The following EIF4G3 variants were observed in gnomAD, a reference collection of about 807,000 sequenced individuals.
EIF4G3 encodes eIF-4-gamma 3.
Under a neutral mutation model 186.4 loss-of-function variants are expected in EIF4G3, and 34 were observed. The ratio of observed to expected loss-of-function variants is 0.18; its 90% CI spans 0.14 to 0.24. EIF4G3 has a LOEUF of 0.24. Ranked by LOEUF, EIF4G3 falls within the 10% of genes least tolerant of loss-of-function variation. EIF4G3 has a pLI of 1.00. For synonymous variants in EIF4G3, 673 were observed against 679.5 expected, an observed-to-expected ratio of 0.99 and a Z score of 0.15; for missense variants, 1,536 against 1,948.5, an observed-to-expected ratio of 0.79 and a Z score of 3.99.
chr1:21,160,850 AGAGTAGGAC>A (rs2097755431), intron 2 of EIF4G3, among the ~76,000 whole-genome samples: 5 of 152,222 alleles, frequency 3.3e-5, no homozygotes, highest in Admixed American at 3.3e-4. Flanking sequence ...GTACGAGGGC[AGAGTAGGAC>A]GTGTAGTGCT....
chr1:20,952,804 C>T (rs756496297), intron 12 of EIF4G3, among the ~76,000 whole-genome samples: 2 of 152,020 alleles, frequency 1.3e-5, no homozygotes, highest in South Asian at 2.1e-4. Flanking sequence ...GAGCCGAGGT[C>T]GCGCCACTGC....
chr1:20,928,935 T>C (rs2095127566), intron 14 of EIF4G3, among the ~76,000 whole-genome samples: 1 of 152,196 alleles, frequency 6.6e-6, no homozygotes, highest in Non-Finnish European at 1.5e-5. Flanking sequence ...TATTTTCTGC[T>C]TCTATGGATT....
intron 14 of EIF4G3, among the ~76,000 whole-genome samples, chr1:20,907,965 CCA>C (rs1346858988): frequency 6.6e-6 from 1 of 151,782 alleles, no homozygotes; most frequent in Non-Finnish European, 1.5e-5. Flanking sequence ...TGAGGAATCG[CCA>C]CACTGACTTC....
chr1:20,860,416 C>A lies in EIF4G3; in HGVS notation c.3213G>T (p.Gln1071His). The A allele has an allele frequency of 1.2e-6, 2 of 1,614,118 alleles. No individual in the cohort carries two copies. Among genetic ancestry groups the A allele is most frequent in the East Asian group, 4.5e-5 (2 of 44,860 alleles). Residue 1071 changes from glutamine (Q) to histidine (H), a missense_variant, in exon 24 of 37, where the codon CAG (glutamine) becomes CAT (histidine). By Grantham distance (24) the Gln-to-His change is conservative. Coordinates refer to ENST00000602326, the MANE Select transcript of EIF4G3 (RefSeq NM_001391906.1). ...TTCTCTTCTCTTTGGTCATGAGTTG[C>A]TGGACCTTCCTTTGCTCTTCTTGTT... ...IEEQEEQRKVQQLMTKEKRRP... is the reference protein window; with the variant it reads ...IEEQEEQRKVHQLMTKEKRRP...
chr1:21,076,400 A>C (rs2095588992), intron 3 of EIF4G3, among the ~76,000 whole-genome samples: 1 of 152,180 alleles, frequency 6.6e-6, no homozygotes, highest in Non-Finnish European at 1.5e-5. Context: ...AAAAGCAGAA[A>C]GAAAAGCAAA....
At chr1:20,896,263 T>C (rs776813463) in intron 16 of EIF4G3, among the ~76,000 whole-genome samples, 2 of 151,424 alleles carry the variant, frequency 1.3e-5, no homozygotes, top group Non-Finnish European at 2.9e-5. Context: ...TAAGACCTAA[T>C]CTCTAGAAAA....
At chr1:20,944,037 T>C (rs2095838586) in intron 13 of EIF4G3, among the ~76,000 whole-genome samples, 1 of 148,366 alleles carries the variant, frequency 6.7e-6, no homozygotes, top group Non-Finnish European at 1.5e-5. Flanking sequence ...TGTGTGTGTG[T>C]GTGTATGTTC....
chr1:20,987,995 T>C (rs2079972811), intron 7 of EIF4G3, among the ~76,000 whole-genome samples: 1 of 152,230 alleles, frequency 6.6e-6, no homozygotes, highest in South Asian at 2.1e-4. Context: ...ACAGCCTTAT[T>C]GCTGATATGG....
chr1:21,109,061 T>C (rs1311243362), intron 2 of EIF4G3, among the ~76,000 whole-genome samples: 1 of 151,922 alleles, frequency 6.6e-6, no homozygotes, highest in Non-Finnish European at 1.5e-5. Flanking sequence ...CTACTAAAAA[T>C]ACAAAAATTA....
chr1:21,064,056 T>A (rs1402730413), intron 3 of EIF4G3, among the ~76,000 whole-genome samples: 1 of 152,114 alleles, frequency 6.6e-6, no homozygotes, highest in East Asian at 1.9e-4. Context: ...TGTGTTTCCA[T>A]TTTTCTAGCA....
chr1:20,864,959 G>A (rs2077232265), intron 21 of EIF4G3, among the ~76,000 whole-genome samples, 157 bp downstream of exon 21: 1 of 152,040 alleles, frequency 6.6e-6, no homozygotes, highest in Non-Finnish European at 1.5e-5. Context: ...AAGGAACAAA[G>A]CATTCCCCTA....
At chr1:20,858,797 C>G (rs1223262474) in intron 24 of EIF4G3, among the ~76,000 whole-genome samples, 1 of 152,060 alleles carries the variant, frequency 6.6e-6, no homozygotes, top group East Asian at 1.9e-4. Flanking sequence ...GAGTTCAACA[C>G]CAGCCTGGCC....
At chr1:21,094,805 A>ATAATAATAG (rs55725003) in intron 2 of EIF4G3, among the ~76,000 whole-genome samples, 1 of 148,554 alleles carries the variant, frequency 6.7e-6, no homozygotes, top group Non-Finnish European at 1.5e-5. Flanking sequence ...AATAATAATA[A>ATAATAATAG]AAGCCAGGAT....
At chr1:21,123,317 C>CT (rs2096960182) in intron 2 of EIF4G3, among the ~76,000 whole-genome samples, 1 of 152,000 alleles carries the variant, frequency 6.6e-6, no homozygotes, top group South Asian at 2.1e-4. Flanking sequence ...AATCCAAGCA[C>CT]TGTGGGAGGC....
At chr1:21,111,273 C>T (rs1307111216) in intron 2 of EIF4G3, 1 of 470,436 alleles carries the variant, frequency 2.1e-6, no homozygotes, top group African/African-American at 2.0e-5. Context: ...GACTTTGAAG[C>T]TGGAAAAGAC....
intron 4 of EIF4G3, among the ~76,000 whole-genome samples, chr1:21,028,956 C>T (rs952061719): frequency 2.0e-5 from 3 of 152,162 alleles, no homozygotes; most frequent in East Asian, 1.9e-4. Flanking sequence ...CACAGCTCAT[C>T]GTAACCTCTC....
intron 2 of EIF4G3, among the ~76,000 whole-genome samples, chr1:21,113,844 G>A (rs943509933): frequency 3.3e-5 from 5 of 151,982 alleles, no homozygotes; most frequent in Admixed American, 1.3e-4. Context: ...GTAAAACCCC[G>A]TCTCTTCAAA....
rs1488313673 is a variant in EIF4G3, at chr1:20,840,872, G to C, written c.4045C>G (p.Gln1349Glu). Residue 1349 changes from glutamine (Q) to glutamate (E), a missense_variant, in exon 30 of 37, where the codon CAG becomes GAG. Physicochemically the swap from Gln to Glu is conservative, Grantham distance 29 (BLOSUM62 2). Around this residue, in one of 11 missense-constraint regions of EIF4G3, gnomAD observed 395 missense variants for 498.9 expected, o/e 0.79. Transcript: ENST00000602326. ...GATACTGACCCTTTGAAAAAGTCCT[G>C]TTTGCTGAGTTTTTCTGACTGTACC... ...QLVQSEKLSK[Q>E]DFFKGFSETL... 6.2e-7 allele frequency: 1 copy of C among 1,614,108 alleles called. No homozygotes were observed. Among genetic ancestry groups the C allele is most frequent in the Non-Finnish European group, 8.5e-7 (1 of 1,180,006 alleles).
intron 24 of EIF4G3, 135 bp from the exon 25 acceptor site, chr1:20,857,632 TC>T: frequency 1.3e-6 from 1 of 778,634 alleles, no homozygotes; most frequent in Non-Finnish European, 2.2e-6. Context: ...ATATCTTTAA[TC>T]CCATGGCAGG....
Sources: allele counts gnomAD v4.1 joint callset (sites outside exome capture counted in the v4.1 genomes callset), GRCh38; gene constraint gnomAD v4.1.1; regional missense constraint gnomAD v4.1.1; transcripts MANE v1.5; gene names NCBI Gene and HGNC (gene_info 2026-07-23, HGNC 2026-07-21).